The following COPS2 variants were observed in gnomAD, a reference collection of about 807,000 sequenced individuals.
The protein encoded by COPS2 is COP9 signalosome complex subunit 2.
In COPS2, 10 loss-of-function variants were observed where a neutral mutation model predicts 66.1. That is an observed-to-expected ratio of 0.15 (90% CI 0.09 to 0.26). The LOEUF (loss-of-function observed/expected upper bound fraction) is 0.26. Ranked by LOEUF, COPS2 falls within the 10% of genes least tolerant of loss-of-function variation. COPS2 has a pLI of 1.00. For synonymous variants in COPS2, 179 were observed against 171.3 expected (o/e 1.04, Z -0.35); for missense variants, 215 against 513.3 (o/e 0.42, Z 5.62).
chr15:49,139,658 G>C lies in COPS2; in HGVS notation c.247-5C>G. On this transcript the variant is annotated splice_region_variant and splice_polypyrimidine_tract_variant and intron_variant, in intron 3 of 12. Coordinates refer to ENST00000388901, the MANE Select transcript of COPS2 (RefSeq NM_004236.4). ...CATCATTTCTGGAAAGTTTGTCTGT[G>C]AGAAAAGAAAAATGAATTATCAGAT... The C allele has an allele frequency of 3.8e-6, 6 of 1,577,208 alleles. No individual in the cohort carries two copies. The highest frequency in any genetic ancestry group is 5.2e-6 in the Non-Finnish European group (6 of 1,164,396).
rs2084151001 is a variant in COPS2 at position 49,124,675 on chromosome 15, C to G, written c.*3275G>C. 6.6e-6 allele frequency: 1 copy of G among 152,114 alleles called. No individual in the cohort carries two copies. Among genetic ancestry groups the G allele is most frequent in the Admixed American group, 6.6e-5 (1 of 15,266 alleles). The allele number at this position is 152,114 out of a possible 1,614,324, so 9.4% of individuals were successfully genotyped here. ...TACTTCAGTTCAAAATGTTTATCTT[C>G]TTCAAAATGCTAGAAATATTTAGTC... On this transcript the variant is annotated 3_prime_UTR_variant, in exon 13 of 13. Coordinates refer to ENST00000388901, the MANE Select transcript of COPS2 (RefSeq NM_004236.4).
At chr15:49,144,673 C>A (rs948320721) in intron 2 of COPS2, among the ~76,000 whole-genome samples, 1 of 152,042 alleles carries the variant, frequency 6.6e-6, no homozygotes, top group Non-Finnish European at 1.5e-5. Flanking sequence ...TATGATTTAC[C>A]CCTAAAAGAA....
In COPS2 at chr15:49,130,760, C is replaced by T; in HGVS notation, c.1004G>A (p.Ser335Asn). Residue 335 changes from serine to asparagine, a missense_variant, in exon 10 of 13, where the codon AGC becomes AAC. Coordinates refer to ENST00000388901, the MANE Select transcript of COPS2 (RefSeq NM_004236.4). ...EFEKILKTNH[S>N]NIMDDPFIRE... ...TATGAAAGGATCATCCATGATGTTG[C>T]TGTGATTTGTTTTTAGAATCTTTTC... 1 of 1,605,714 alleles carries T rather than the reference C, an allele frequency of 6.2e-7. No homozygotes were observed. Among genetic ancestry groups the T allele is most frequent in the Non-Finnish European group, 8.5e-7 (1 of 1,173,572 alleles).
At chr15:49,147,725 CAAAAAA>C (rs34315247) in intron 1 of COPS2, among the ~76,000 whole-genome samples, 3 of 94,798 alleles carry the variant, frequency 3.2e-5, no homozygotes, top group East Asian at 3.1e-4. Context: ...GTTACAACTC[CAAAAAA>C]AAAAAAAAAA....
In COPS2 at chr15:49,146,824, T is replaced by G. The variant is rs576575257; in HGVS notation, c.55-1746A>C. ...ATCTTATTCCTCTCCTCAAAAATGG[T>G]TCCTATTCCTCTTAAAATCGAGAGC... On this transcript the variant is annotated intron_variant, in intron 1 of 12. Transcript: ENST00000388901. 2.0e-5 allele frequency among the ~76,000 whole-genome samples: 3 copies of G among 152,246 alleles called. No individual in the cohort carries two copies. The East Asian group carries it at 5.8e-4, about 29-fold the overall frequency.
intron 1 of COPS2, among the ~76,000 whole-genome samples, chr15:49,154,918 A>G (rs1244890550): frequency 6.6e-6 from 1 of 152,194 alleles, no homozygotes; most frequent in Non-Finnish European, 1.5e-5. Context: ...AAGAACTGAA[A>G]AAGTGGTTCG....
At chr15:49,132,571 C>CAAAA (rs748471326) in intron 9 of COPS2, among the ~76,000 whole-genome samples, 18 of 59,876 alleles carry the variant, frequency 3.0e-4, no homozygotes, top group East Asian at 1.3e-3. Flanking sequence ...CATATATCTG[C>CAAAA]AAAAAAAAAA....
At chr15:49,130,909 T>C (rs1244879381) in intron 9 of COPS2, 93 bp from the exon 10 acceptor site, 4 of 535,092 alleles carry the variant, frequency 7.5e-6, no homozygotes, top group South Asian at 3.3e-5. Context: ...AACTTTCATA[T>C]GCAAAAATCT....
chr15:49,144,445 C>A (rs2141130765), intron 2 of COPS2, 141 bp from the exon 3 acceptor site: 1 of 557,490 alleles, frequency 1.8e-6, no homozygotes, highest in Non-Finnish European at 3.1e-6. Flanking sequence ...TTCTCAATGT[C>A]ATTTTTCAGT....
intron 9 of COPS2, among the ~76,000 whole-genome samples, chr15:49,131,260 A>G (rs2084206368): frequency 6.6e-6 from 1 of 152,064 alleles, no homozygotes; most frequent in Non-Finnish European, 1.5e-5. Context: ...CAAATGAGAA[A>G]GCATATCCTC....
At chr15:49,155,374 G>A (rs916012074) in intron 1 of COPS2, 151 bp downstream of exon 1, 5 of 682,246 alleles carry the variant, frequency 7.3e-6, no homozygotes, top group African/African-American at 5.5e-5. Flanking sequence ...GCCCGGTGCG[G>A]GAACGGGGAG....
At chr15:49,139,771 T>C (rs1162562413) in intron 3 of COPS2, 118 bp from the exon 4 acceptor site, 11 of 712,944 alleles carry the variant, frequency 1.5e-5, no homozygotes, top group South Asian at 7.4e-5. Context: ...TAGTTCCTGA[T>C]ATAGTTTTGT....
Position 49,128,652 on chromosome 15 carries a change from A to G in COPS2, c.1187+50T>C, listed in dbSNP as rs764340339. On this transcript the variant is annotated intron_variant, in intron 12 of 12. Coordinates refer to ENST00000388901, the MANE Select transcript of COPS2 (RefSeq NM_004236.4). ...ATTGTTACCTTTGTCACTATTATTC[A>G]AAACTTACGGTACCAAATATTTTGT... The G allele has an allele frequency of 9.6e-6, 13 of 1,348,992 alleles. No individual in the cohort carries two copies. The Middle Eastern group carries it at 1.7e-3, about 172-fold the overall frequency. 83.6% of individuals were successfully genotyped at this position (1,348,992 alleles called of 1,614,324 possible).
chr15:49,139,458 TA>T, intron 4 of COPS2, 69 bp downstream of exon 4: 2 of 1,260,952 alleles, frequency 1.6e-6, no homozygotes, highest in Non-Finnish European at 1.1e-6. Flanking sequence ...TTTCCATCTA[TA>T]AAGAACAAAG....
intron 10 of COPS2, among the ~76,000 whole-genome samples, 159 bp downstream of exon 10, chr15:49,130,560 T>A (rs1467805575): frequency 6.6e-6 from 1 of 152,140 alleles, no homozygotes; most frequent in East Asian, 1.9e-4. Flanking sequence ...AGCTTCATAA[T>A]TTTAAGGAAT....
intron 1 of COPS2, among the ~76,000 whole-genome samples, chr15:49,153,662 G>A (rs1254438143): frequency 6.6e-6 from 1 of 152,144 alleles, no homozygotes; most frequent in African/African-American, 2.4e-5. Context: ...ATGGATAAAC[G>A]GATGAAGAAA....
chr15:49,128,113 G>A lies in COPS2; in HGVS notation c.1188-19C>T. ...AATAGTGCTAGAAAGAAATAAATAAGATGTGTCTACAAAAGACTTTCATCA... is the reference window on the plus strand; with the variant it reads ...AATAGTGCTAGAAAGAAATAAATAAAATGTGTCTACAAAAGACTTTCATCA... On this transcript the variant is annotated intron_variant, in intron 12 of 12. Transcript: ENST00000388901. 1 of 1,610,020 alleles carries A rather than the reference G, an allele frequency of 6.2e-7. No individual in the cohort carries two copies. Among genetic ancestry groups the A allele is most frequent in the Non-Finnish European group, 8.5e-7 (1 of 1,177,702 alleles).
rs2084158997 is a variant in COPS2, at chr15:49,125,516, A to C, written c.*2434T>G. 6.6e-6 allele frequency: 1 copy of C among 152,134 alleles called. No homozygotes were observed. Among genetic ancestry groups the C allele is most frequent in the African/African-American group, 2.4e-5 (1 of 41,466 alleles). The allele number at this position is 152,134 out of a possible 1,614,324, so 9.4% of individuals were successfully genotyped here. On this transcript the variant is annotated 3_prime_UTR_variant, in exon 13 of 13. Transcript: ENST00000388901. The stretch of plus-strand genomic sequence containing the variant: ...GATTTAATCAGTGAATAAATGCTAC[A>C]AATTTGCCAATCGATTTTTAACTTC...
At chr15:49,129,834 TTCC>T (rs2084195919) in intron 10 of COPS2, among the ~76,000 whole-genome samples, 1 of 152,178 alleles carries the variant, frequency 6.6e-6, no homozygotes, top group Non-Finnish European at 1.5e-5. Flanking sequence ...TACTTATCAT[TTCC>T]TCAACAGTTA....
Sources: gnomAD v4.1 joint callset for allele counts (sites outside exome capture counted in the v4.1 genomes callset) on GRCh38, gnomAD v4.1.1 for gene constraint, MANE v1.5 for transcripts, NCBI Gene and HGNC (gene_info 2026-07-23, HGNC 2026-07-21) for gene names.